IL1RAPL1: variants seen among roughly 807,000 people sequenced by gnomAD.
IL1RAPL1 encodes the protein interleukin 1 receptor accessory protein like 1, also known as interleukin-1 receptor accessory protein-like 1.
Under a neutral mutation model 48.4 loss-of-function variants are expected in IL1RAPL1, and 3 were observed. The observed-to-expected ratio is 0.06, with a 90% CI of 0.03 to 0.16. IL1RAPL1 has a LOEUF of 0.16. Among genes scored for constraint, IL1RAPL1 ranks in the 10% least tolerant of loss-of-function variants. IL1RAPL1 has a pLI of 1.00. For synonymous variants in IL1RAPL1, 185 were observed against 187.7 expected (o/e 0.99, Z 0.12); for missense variants, 349 against 530.6 (o/e 0.66, Z 3.36).
At chrX:29,767,166 ATGTT>A (rs1222573559) in intron 6 of IL1RAPL1, among the ~76,000 whole-genome samples, 1 of 111,631 alleles carries the variant, frequency 9.0e-6, no homozygotes, top group African/African-American at 3.3e-5. Context: ...ATAGTTTCTG[ATGTT>A]TGTTTGTTTG....
intron 1 of IL1RAPL1, among the ~76,000 whole-genome samples, chrX:28,684,029 T>C (rs1250396777): frequency 3.6e-5 from 4 of 112,477 alleles, no homozygotes; most frequent in African/African-American, 1.3e-4. Context: ...GATTTGGACA[T>C]GGACATCTTT....
intron 2 of IL1RAPL1, among the ~76,000 whole-genome samples, chrX:29,127,848 C>T (rs915740966): frequency 4.5e-5 from 5 of 109,893 alleles, no homozygotes; most frequent in Non-Finnish European, 9.5e-5. Context: ...GCCTGTAATC[C>T]CAGCTACTCA....
chrX:29,925,481 G>A (rs1380604348), intron 8 of IL1RAPL1, among the ~76,000 whole-genome samples: 5 of 73,467 alleles, frequency 6.8e-5, no homozygotes, highest in African/African-American at 2.7e-4. Flanking sequence ...TGTATAAGAC[G>A]TCTAATAGCA....
chrX:28,922,876 G>GT (rs987604298), intron 2 of IL1RAPL1, among the ~76,000 whole-genome samples: 40 of 111,971 alleles, frequency 3.6e-4, no homozygotes, highest in African/African-American at 1.1e-3. Context: ...TTTGAAAAAT[G>GT]TAAGTTATAA....
At chrX:29,778,467 G>A (rs751590487) in intron 6 of IL1RAPL1, among the ~76,000 whole-genome samples, 3 of 111,870 alleles carry the variant, frequency 2.7e-5, no homozygotes, top group Non-Finnish European at 5.6e-5. Flanking sequence ...AGCTCCATGA[G>A]CGCAGGTATT....
chrX:28,688,629 G>A (rs1044340363), intron 1 of IL1RAPL1, among the ~76,000 whole-genome samples: 15 of 111,586 alleles, frequency 1.3e-4, no homozygotes, highest in Admixed American at 1.3e-3. Flanking sequence ...GGGTTTAGAG[G>A]GGCTCTGGGG....
chrX:28,983,901 G>A (rs1179402098), intron 2 of IL1RAPL1, among the ~76,000 whole-genome samples: 1 of 111,973 alleles, frequency 8.9e-6, no homozygotes, highest in African/African-American at 3.2e-5. Flanking sequence ...ACTCTGAGAA[G>A]TACAAACAAC....
chrX:29,193,759 A>G (rs1056788111), intron 2 of IL1RAPL1, among the ~76,000 whole-genome samples: 2 of 111,671 alleles, frequency 1.8e-5, no homozygotes, highest in African/African-American at 6.5e-5. Context: ...ATTAATACAC[A>G]CATAGGCAAA....
chrX:28,779,867 T>G (rs190682845), intron 1 of IL1RAPL1, among the ~76,000 whole-genome samples: 2 of 107,984 alleles, frequency 1.9e-5, no homozygotes, highest in East Asian at 5.8e-4. Flanking sequence ...AAAATGAACT[T>G]TTGTCAAAGT....
At chrX:29,229,264 T>C (rs1931149007) in intron 2 of IL1RAPL1, among the ~76,000 whole-genome samples, 1 of 111,522 alleles carries the variant, frequency 9.0e-6, no homozygotes, top group Non-Finnish European at 1.9e-5. Context: ...TCAGTCTTTG[T>C]TCTCTTCTTA....
At chrX:29,204,828 G>A (rs899642152) in intron 2 of IL1RAPL1, among the ~76,000 whole-genome samples, 1 of 111,536 alleles carries the variant, frequency 9.0e-6, no homozygotes, top group Admixed American at 9.6e-5. Context: ...CCTTCTTGAT[G>A]ATTACACTTC....
chrX:29,343,840 T>G (rs888423795), intron 3 of IL1RAPL1, among the ~76,000 whole-genome samples: 3 of 111,456 alleles, frequency 2.7e-5, no homozygotes, highest in Non-Finnish European at 5.7e-5. Flanking sequence ...CTTAATTAGC[T>G]TTCACTTCTT....
At chrX:29,009,784 C>A (rs1926080927) in intron 2 of IL1RAPL1, among the ~76,000 whole-genome samples, 2 of 111,857 alleles carry the variant, frequency 1.8e-5, no homozygotes, top group Admixed American at 1.9e-4. Context: ...TTTTCTCATT[C>A]AGTGAAAAGT....
intron 5 of IL1RAPL1, among the ~76,000 whole-genome samples, chrX:29,492,631 A>G (rs145132461): frequency 0.049 from 5,465 of 111,885 alleles, 362 homozygotes; most frequent in African/African-American, 0.17. Flanking sequence ...CTGCAGCTAG[A>G]AAAGATTATT....
At chrX:29,306,787 G>A (rs1932631411) in intron 3 of IL1RAPL1, among the ~76,000 whole-genome samples, 1 of 101,457 alleles carries the variant, frequency 9.9e-6, no homozygotes, top group African/African-American at 3.6e-5. Context: ...CATGAACCCG[G>A]GAGGCAGAGG....
At position 28,850,203 on chromosome X, in the gene IL1RAPL1, G is replaced by A. The variant is rs1488940858; in HGVS notation, c.82+60778G>A. On this transcript the variant is annotated intron_variant, in intron 2 of 10. Transcript: ENST00000378993. ...GAGCTCAGATTTTTATTAAAATATT[G>A]TTAAAATTTTATTAAAATATGCCTA... 1.7e-4 allele frequency among the ~76,000 whole-genome samples: 19 copies of A among 111,759 alleles called. No individual in the cohort carries two copies. The Admixed American group carries it at 1.8e-3, about 11-fold the overall frequency.
At chrX:29,289,934 T>G (rs1287399227) in intron 3 of IL1RAPL1, among the ~76,000 whole-genome samples, 1 of 112,292 alleles carries the variant, frequency 8.9e-6, no homozygotes, top group Non-Finnish European at 1.9e-5. Flanking sequence ...TCAAATGACA[T>G]ATCTATAATG....
At chrX:29,261,938 C>T (rs1446004368) in intron 2 of IL1RAPL1, among the ~76,000 whole-genome samples, 1 of 111,452 alleles carries the variant, frequency 9.0e-6, no homozygotes, top group Non-Finnish European at 1.9e-5. Context: ...TTAAATATCT[C>T]TCTTTACAAC....
chrX:29,851,557 T>C (rs1190065582), intron 6 of IL1RAPL1, among the ~76,000 whole-genome samples: 1 of 112,237 alleles, frequency 8.9e-6, no homozygotes, highest in Non-Finnish European at 1.9e-5. Flanking sequence ...TAGACATTTA[T>C]TGGTTTCTCA....
Sources: allele counts gnomAD v4.1 joint callset (sites outside exome capture counted in the v4.1 genomes callset), GRCh38; gene constraint gnomAD v4.1.1; transcripts MANE v1.5; gene names NCBI Gene and HGNC (gene_info 2026-07-23, HGNC 2026-07-21).